Variants in TIAL1 observed in about 807,000 individuals in gnomAD.
TIAL1 encodes the protein nucleolysin TIAR.
In TIAL1, 7 loss-of-function variants were observed where a neutral mutation model predicts 59.7. That is an observed-to-expected ratio of 0.12 (90% CI 0.07 to 0.22). The LOEUF (loss-of-function observed/expected upper bound fraction) is 0.22, where lower values mean the gene tolerates loss of function less well. Among genes scored for constraint, TIAL1 ranks in the 10% least tolerant of loss-of-function variants. The probability of loss-of-function intolerance (pLI) is 1.00; values close to 1 mark genes in which losing one functional copy is unlikely to be tolerated. For missense variants in TIAL1, 225 were observed against 462.5 expected (o/e 0.49, Z 4.71); for synonymous variants, 149 against 146.3 (o/e 1.02, Z -0.13).
rs1245789658 is a variant in TIAL1, at chr10:119,582,436, G to A, written c.228+23C>T. On this transcript the variant is annotated intron_variant, in intron 3 of 11. Coordinates refer to ENST00000436547, the MANE Select transcript of TIAL1 (RefSeq NM_003252.4). This position sits in a 1 kb window ranked among gnomAD's most constrained non-coding sequence, Gnocchi z 5.1. ...ACATGCAAATATATGTACTCATAAG[G>A]TGCCATCATCCTATTATCTTACCTT... The A allele has an allele frequency of 6.4e-7, 1 of 1,572,322 alleles. No individual in the cohort carries two copies. The highest frequency in any genetic ancestry group is 1.2e-5 in the South Asian group (1 of 83,166).
chr10:119,581,135 G>A (rs1002267863), intron 5 of TIAL1, among the ~76,000 whole-genome samples: 1 of 151,968 alleles, frequency 6.6e-6, no homozygotes. Flanking sequence ...GTACTAAGAT[G>A]TTTAATTTAA....
rs200630840 is a variant in TIAL1, at chr10:119,575,644, A to AT, written c.*20dup. ...AAATCGAAGCCTATCATGAATTACAATTTTTTTTTAGAGTCCCGGCTCACT... is the reference window on the plus strand; with the variant it reads ...AAATCGAAGCCTATCATGAATTACAATTTTTTTTTTAGAGTCCCGGCTCACT... On this transcript the variant is annotated 3_prime_UTR_variant, in exon 12 of 12. Transcript: ENST00000436547. The AT allele has an allele frequency of 2.7e-3, 4,229 of 1,577,318 alleles. 36 individuals are homozygous for AT. In the Admixed American group the frequency reaches 0.027, roughly 10 times the overall value.
At position 119,588,227 on chromosome 10, in the gene TIAL1, T is replaced by C. The variant is rs921356801; in HGVS notation, c.54A>G (p.Arg18=). ...PRTLYVGNLS[R]DVTEVLILQL... ...GAAGTATAAGGACTTCTGTCACATC[T>C]CTGGAAAGGTTACCTACGTATCTGC... Residue 18 remains arginine (R), a synonymous_variant, in exon 2 of 12, where the codon AGA becomes AGG. Transcript: ENST00000436547. 8 of 1,587,524 alleles carry C rather than the reference T, an allele frequency of 5.0e-6. No individual in the cohort carries two copies. The African/African-American group carries it at 8.1e-5, about 16-fold the overall frequency.
chr10:119,579,535 CCA>C (rs1397441662), intron 6 of TIAL1, among the ~76,000 whole-genome samples: 1 of 152,000 alleles, frequency 6.6e-6, no homozygotes, highest in Non-Finnish European at 1.5e-5. Context: ...CATTCACATC[CCA>C]GTTATATAAG....
chr10:119,587,022 T>G (rs1845599630), intron 2 of TIAL1, among the ~76,000 whole-genome samples: 1 of 152,062 alleles, frequency 6.6e-6, no homozygotes, highest in Non-Finnish European at 1.5e-5. Context: ...TTTTGATCGA[T>G]GAAAGCACAA....
intron 7 of TIAL1, among the ~76,000 whole-genome samples, chr10:119,577,969 G>A (rs1250095639): frequency 6.6e-6 from 1 of 152,086 alleles, no homozygotes; most frequent in Non-Finnish European, 1.5e-5. Flanking sequence ...GCTCACGCCT[G>A]TAATCCCAGC....
Position 119,582,690 on chromosome 10 carries a change from C to T in TIAL1, c.130-133G>A, listed in dbSNP as rs1845358051. On this transcript the variant is annotated intron_variant, in intron 2 of 11. Transcript: ENST00000436547. The surrounding 1 kb of genome is among the most constrained non-coding windows in gnomAD (Gnocchi z 5.1). ...ACTGCATAAGCTTATGAAAGCCTAACACTTTTTAAATAAGATTTAAAGCTA... is the reference window on the plus strand; with the variant it reads ...ACTGCATAAGCTTATGAAAGCCTAATACTTTTTAAATAAGATTTAAAGCTA... 3.6e-6 allele frequency: 5 copies of T among 1,381,450 alleles called. No homozygotes were observed. The highest frequency in any genetic ancestry group is 1.9e-4 in the Middle Eastern group (1 of 5,284). The allele number at this position is 1,381,450 out of a possible 1,614,324, so 85.6% of individuals were successfully genotyped here.
At position 119,582,387 on chromosome 10, in the gene TIAL1, C is replaced by T. The variant is rs1270847384; in HGVS notation, c.228+72G>A. The T allele has an allele frequency of 2.0e-6, 3 of 1,517,932 alleles. No homozygotes were observed. The African/African-American group carries it at 4.2e-5, about 21-fold the overall frequency. The allele number at this position is 1,517,932 out of a possible 1,614,324, so 94.0% of individuals were successfully genotyped here. On this transcript the variant is annotated intron_variant, in intron 3 of 11. Coordinates refer to ENST00000436547, the MANE Select transcript of TIAL1 (RefSeq NM_003252.4). The surrounding 1 kb of genome is among the most constrained non-coding windows in gnomAD (Gnocchi z 5.1). ...GCCGAATATCTGCTCAAAAATTTGC[C>T]TAGAAAGAATACAAACTAGTTTGAC...
At chr10:119,591,087 A>G (rs913090884) in intron 1 of TIAL1, among the ~76,000 whole-genome samples, 2 of 152,132 alleles carry the variant, frequency 1.3e-5, no homozygotes, top group Non-Finnish European at 2.9e-5. Flanking sequence ...AATAGTCACA[A>G]AAAAAGCCGT....
intron 6 of TIAL1, among the ~76,000 whole-genome samples, chr10:119,579,514 TTTG>T (rs1845200332): frequency 6.6e-6 from 1 of 152,206 alleles, no homozygotes; most frequent in Non-Finnish European, 1.5e-5. Context: ...ATTTACATAA[TTTG>T]TTGTAGTCAT....
chr10:119,578,224 CAAAAAAA>C (rs10541595), intron 7 of TIAL1, among the ~76,000 whole-genome samples: 2 of 57,346 alleles, frequency 3.5e-5, no homozygotes, highest in East Asian at 5.7e-4. Flanking sequence ...GACTCCACCT[CAAAAAAA>C]AAAAAAAAAA....
intron 1 of TIAL1, among the ~76,000 whole-genome samples, chr10:119,594,171 T>A (rs1056178415): frequency 2.0e-5 from 3 of 152,172 alleles, no homozygotes; most frequent in Non-Finnish European, 4.4e-5. Flanking sequence ...TTAAGATGTT[T>A]ATTTATTCAT....
chr10:119,594,957 C>T (rs567433655), intron 1 of TIAL1, among the ~76,000 whole-genome samples: 36 of 152,302 alleles, frequency 2.4e-4, no homozygotes, highest in South Asian at 6.2e-4. Flanking sequence ...CCAATTCTTT[C>T]TTCTAGGGAG....
intron 6 of TIAL1, among the ~76,000 whole-genome samples, chr10:119,579,126 C>G (rs1845176694): frequency 1.3e-5 from 2 of 152,116 alleles, no homozygotes; most frequent in South Asian, 4.1e-4. Context: ...CACTTGAGAT[C>G]AGAAGTTTGA....
rs927388138 is a variant in TIAL1 at position 119,582,365 on chromosome 10, G to C, written c.228+94C>G. On this transcript the variant is annotated intron_variant, in intron 3 of 11. Transcript: ENST00000436547. The surrounding 1 kb of genome is among the most constrained non-coding windows in gnomAD (Gnocchi z 5.1). ...AAAGCAAAACCATCACTCAGCAGCC[G>C]AATATCTGCTCAAAAATTTGCCTAG... 5 of 1,486,412 alleles carry C rather than the reference G, an allele frequency of 3.4e-6. No homozygotes were observed. The highest frequency in any genetic ancestry group is 4.5e-6 in the Non-Finnish European group (5 of 1,111,454). The allele number at this position is 1,486,412 out of a possible 1,614,324, so 92.1% of individuals were successfully genotyped here.
chr10:119,590,410 T>C (rs1564744139), intron 1 of TIAL1, among the ~76,000 whole-genome samples: 1 of 152,122 alleles, frequency 6.6e-6, no homozygotes, highest in East Asian at 1.9e-4. Context: ...TAGACCTATC[T>C]GTAAGAAAAA....
chr10:119,595,078 G>T (rs569480830), intron 1 of TIAL1, among the ~76,000 whole-genome samples: 72 of 152,254 alleles, frequency 4.7e-4, no homozygotes, highest in African/African-American at 1.5e-3. Context: ...AAACGGGACG[G>T]ATACTTCAGT....
intron 1 of TIAL1, among the ~76,000 whole-genome samples, chr10:119,589,642 T>C (rs1328377421): frequency 3.3e-5 from 5 of 152,242 alleles, no homozygotes; most frequent in Non-Finnish European, 1.5e-5. Context: ...CTAATTACAA[T>C]TGAATGTGTT....
At position 119,575,407 on chromosome 10, in the gene TIAL1, C is replaced by CA. The variant is rs1844936723; in HGVS notation, c.*257dup. 3 of 302,804 alleles carry CA rather than the reference C, an allele frequency of 9.9e-6. No homozygotes were observed. In the South Asian group the frequency reaches 1.5e-4, roughly 15 times the overall value. 18.8% of individuals were successfully genotyped at this position (302,804 alleles called of 1,614,324 possible). A position where few individuals can be genotyped will look rare whatever the true frequency, so the allele number is the denominator to read the frequency against. Reference sequence around the variant, plus strand: ...TTCCTATTATATCAAAATTTGTAGTCAGAATTGTCTTTATTGACTTTATTT... The same window carrying CA: ...TTCCTATTATATCAAAATTTGTAGTCAAGAATTGTCTTTATTGACTTTATTT... On this transcript the variant is annotated 3_prime_UTR_variant, in exon 12 of 12. Coordinates refer to ENST00000436547, the MANE Select transcript of TIAL1 (RefSeq NM_003252.4).
Sources: gnomAD v4.1 joint callset for allele counts (sites outside exome capture counted in the v4.1 genomes callset) on GRCh38, gnomAD v4.1.1 for gene constraint, Gnocchi (gnomAD v3.1) non-coding constraint, MANE v1.5 for transcripts, NCBI Gene and HGNC (gene_info 2026-07-23, HGNC 2026-07-21) for gene names.